Variants in CTNNA2 observed in about 807,000 individuals in gnomAD.
CTNNA2 encodes the protein catenin alpha-2.
CTNNA2 carries 42 observed loss-of-function variants against 101.0 expected under a neutral mutation model. That is an observed-to-expected ratio of 0.42 (90% CI 0.32 to 0.54). The LOEUF (loss-of-function observed/expected upper bound fraction) is 0.54. CTNNA2 is among the 20% of genes least tolerant of loss of function. The pLI, the probability that CTNNA2 is intolerant of heterozygous loss-of-function variation, is 0.14. For synonymous variants in CTNNA2, 450 were observed against 456.4 expected, an observed-to-expected ratio of 0.99 and a Z score of 0.18; for missense variants, 871 against 1,223.1, an observed-to-expected ratio of 0.71 and a Z score of 4.29.
chr2:80,082,425 C>T (rs563539266), intron 7 of CTNNA2, among the ~76,000 whole-genome samples: 2 of 152,092 alleles, frequency 1.3e-5, no homozygotes. Context: ...CAGTACATTT[C>T]ACCAAGGAAT....
chr2:79,927,706 G>T (rs1687119322), intron 7 of CTNNA2, among the ~76,000 whole-genome samples: 1 of 152,156 alleles, frequency 6.6e-6, no homozygotes, highest in South Asian at 2.1e-4. Context: ...ATTAGGTTTT[G>T]ATCATATAAT....
chr2:79,251,911 G>A (rs367907897), intron 2 of CTNNA2, among the ~76,000 whole-genome samples: 29 of 152,316 alleles, frequency 1.9e-4, no homozygotes, highest in Admixed American at 5.9e-4. Flanking sequence ...ATACTAAACC[G>A]CCACTGATTG....
At chr2:79,527,731 C>G (rs1465382514) in intron 1 of CTNNA2, among the ~76,000 whole-genome samples, 1 of 151,970 alleles carries the variant, frequency 6.6e-6, no homozygotes, top group Non-Finnish European at 1.5e-5. Context: ...TAAAATGATG[C>G]CGCTAATTTG....
At chr2:80,265,656 A>T (rs1672951739) in intron 7 of CTNNA2, among the ~76,000 whole-genome samples, 1 of 151,932 alleles carries the variant, frequency 6.6e-6, no homozygotes, top group African/African-American at 2.4e-5. Flanking sequence ...AACATTTCCT[A>T]TTTTTCTGTG....
intron 3 of CTNNA2, among the ~76,000 whole-genome samples, chr2:79,324,344 G>A (rs1222230225): frequency 6.6e-6 from 1 of 152,014 alleles, no homozygotes; most frequent in African/African-American, 2.4e-5. Flanking sequence ...GTAATTTCTG[G>A]GGCATAAGTG....
chr2:79,749,973 G>A (rs535722162), intron 3 of CTNNA2, among the ~76,000 whole-genome samples: 1 of 152,310 alleles, frequency 6.6e-6, no homozygotes, highest in African/African-American at 2.4e-5. Context: ...AGCTGAATCA[G>A]CATCTAATAG....
At chr2:79,461,400 A>C (rs576282472) in intron 4 of CTNNA2, among the ~76,000 whole-genome samples, 1 of 152,192 alleles carries the variant, frequency 6.6e-6, no homozygotes, top group Non-Finnish European at 1.5e-5. Context: ...GCGAGTGCTT[A>C]TGTTATGATG....
At chr2:79,770,347 A>T (rs1673484650) in intron 3 of CTNNA2, among the ~76,000 whole-genome samples, 1 of 152,234 alleles carries the variant, frequency 6.6e-6, no homozygotes, top group Admixed American at 6.5e-5. Context: ...GCAGAAAATT[A>T]ACTGAAACAG....
chr2:79,287,564 C>CTTGAGGG (rs201633639), intron 2 of CTNNA2, among the ~76,000 whole-genome samples: 1 of 143,792 alleles, frequency 7.0e-6, no homozygotes, highest in African/African-American at 2.8e-5. Context: ...AGTTAGGCTG[C>CTTGAGGG]TCAGGGGTCA....
At chr2:80,399,525 C>G (rs1678362875) in intron 8 of CTNNA2, among the ~76,000 whole-genome samples, 1 of 152,128 alleles carries the variant, frequency 6.6e-6, no homozygotes, top group Admixed American at 6.5e-5. Flanking sequence ...GTACACTATA[C>G]TGAGCAGAGG....
chr2:79,420,333 T>C (rs1423289108), intron 4 of CTNNA2, among the ~76,000 whole-genome samples: 2 of 152,106 alleles, frequency 1.3e-5, no homozygotes. Flanking sequence ...CTGAGATCGG[T>C]TGGTCAATCA....
At chr2:79,801,583 C>G (rs199883251) in intron 3 of CTNNA2, among the ~76,000 whole-genome samples, 4 of 151,736 alleles carry the variant, frequency 2.6e-5, no homozygotes, top group East Asian at 1.9e-4. Context: ...GCAGTGCATA[C>G]GGGGGCTCAC....
At chr2:80,461,216 T>TG (rs1489357764) in intron 9 of CTNNA2, among the ~76,000 whole-genome samples, 5 of 152,150 alleles carry the variant, frequency 3.3e-5, no homozygotes, top group African/African-American at 1.2e-4. Flanking sequence ...CCACCCACCC[T>TG]CAATATCTGA....
intron 2 of CTNNA2, among the ~76,000 whole-genome samples, chr2:79,214,094 T>C (rs1674214189): frequency 6.6e-6 from 1 of 152,080 alleles, no homozygotes; most frequent in East Asian, 1.9e-4. Flanking sequence ...TTTGGGAGAT[T>C]AGTCGGACAC....
intron 2 of CTNNA2, among the ~76,000 whole-genome samples, chr2:79,689,660 A>G (rs1684161740): frequency 1.3e-5 from 2 of 152,080 alleles, no homozygotes; most frequent in Non-Finnish European, 2.9e-5. Flanking sequence ...AGATGTAGAT[A>G]TTAGAATTAT....
At chr2:79,327,753 T>C (rs1676779350) in intron 3 of CTNNA2, among the ~76,000 whole-genome samples, 1 of 152,100 alleles carries the variant, frequency 6.6e-6, no homozygotes, top group East Asian at 1.9e-4. Context: ...CTCAAAGTGG[T>C]TAAAGTATTT....
At chr2:80,367,025 G>A (rs573853057) in intron 7 of CTNNA2, among the ~76,000 whole-genome samples, 1 of 143,508 alleles carries the variant, frequency 7.0e-6, no homozygotes, top group Non-Finnish European at 1.5e-5. Context: ...TTTTTTTTGA[G>A]TTTCTGATTA....
intron 9 of CTNNA2, among the ~76,000 whole-genome samples, chr2:80,481,272 T>A (rs1325496466): frequency 1.3e-5 from 2 of 152,000 alleles, no homozygotes; most frequent in Non-Finnish European, 2.9e-5. Context: ...GGCAGAGGAG[T>A]CGTGGTACAA....
At chr2:80,029,187 A>G (rs1309709183) in intron 7 of CTNNA2, among the ~76,000 whole-genome samples, 1 of 152,162 alleles carries the variant, frequency 6.6e-6, no homozygotes, top group Admixed American at 6.5e-5. Flanking sequence ...GCATTTGAGC[A>G]TTTACTATGT....
Sources: allele counts gnomAD v4.1 joint callset (sites outside exome capture counted in the v4.1 genomes callset), GRCh38; gene constraint gnomAD v4.1.1; transcripts MANE v1.5; gene names NCBI Gene and HGNC (gene_info 2026-07-23, HGNC 2026-07-21).